Variants in BLNK observed in about 807,000 individuals in gnomAD.
BLNK encodes B-cell linker protein.
A neutral mutation model predicts 73.5 loss-of-function variants in BLNK; 29 were observed. That is an observed-to-expected ratio of 0.39 (90% CI 0.29 to 0.54). BLNK has a LOEUF of 0.54. BLNK is among the 20% of genes least tolerant of loss of function. BLNK has a pLI of 0.61. For synonymous variants in BLNK, 176 were observed against 200.8 expected (o/e 0.88, Z 1.04); for missense variants, 460 against 562.8 (o/e 0.82, Z 1.85).
chr10:96,197,073 T>TA lies in BLNK; in HGVS notation c.1096-11_1096-10insT. 1 of 1,606,858 alleles carries TA rather than the reference T, an allele frequency of 6.2e-7. No homozygotes were observed. The highest frequency in any genetic ancestry group is 8.5e-7 in the Non-Finnish European group (1 of 1,176,826). On this transcript the variant is annotated splice_polypyrimidine_tract_variant and intron_variant, in intron 15 of 16. Coordinates refer to ENST00000224337, the MANE Select transcript of BLNK (RefSeq NM_013314.4). ...TAAGAAATGATCCATCCTGTTTAAT[T>TA]TTTTTTAAAAAACATAATTATGGTT...
At chr10:96,198,865 A>AT (rs1457469859) in intron 15 of BLNK, among the ~76,000 whole-genome samples, 1 of 152,028 alleles carries the variant, frequency 6.6e-6, no homozygotes, top group African/African-American at 2.4e-5. Context: ...CGCCTGGCTA[A>AT]TTTTTTTATT....
chr10:96,201,297 T>C (rs1554896093), intron 13 of BLNK, among the ~76,000 whole-genome samples: 1 of 152,186 alleles, frequency 6.6e-6, no homozygotes, highest in Admixed American at 6.5e-5. Flanking sequence ...ATTTTCCTCA[T>C]GTAGTTCCAC....
intron 1 of BLNK, among the ~76,000 whole-genome samples, chr10:96,252,375 G>A (rs1440551436): frequency 6.6e-6 from 1 of 152,188 alleles, no homozygotes; most frequent in Non-Finnish European, 1.5e-5. Flanking sequence ...AAATTCCCAG[G>A]TGGTGCTGAT....
intron 16 of BLNK, among the ~76,000 whole-genome samples, chr10:96,192,866 A>C (rs186341333): frequency 1.6e-4 from 25 of 152,358 alleles, no homozygotes; most frequent in African/African-American, 6.0e-4. Context: ...AAATGTATTT[A>C]GAATCACTTT....
intron 3 of BLNK, chr10:96,239,022 G>A (rs1162294394): frequency 7.5e-6 from 3 of 397,768 alleles, no homozygotes; most frequent in African/African-American, 6.2e-5. Context: ...TCCAGATGAG[G>A]TTGATGCTAT....
chr10:96,242,590 T>G (rs1842913386), intron 3 of BLNK, 145 bp downstream of exon 3: 4 of 834,630 alleles, frequency 4.8e-6, no homozygotes. Context: ...TCAAAATGCC[T>G]AATAGATTTA....
chr10:96,269,589 C>G (rs928273576), intron 1 of BLNK, among the ~76,000 whole-genome samples: 6 of 152,064 alleles, frequency 3.9e-5, no homozygotes, highest in African/African-American at 1.5e-4. Flanking sequence ...CTCCTCCCTC[C>G]CACCAGATCC....
intron 3 of BLNK, among the ~76,000 whole-genome samples, chr10:96,233,404 G>C (rs1269695973): frequency 3.3e-5 from 5 of 152,090 alleles, no homozygotes; most frequent in Admixed American, 2.6e-4. Flanking sequence ...ATAAAGTTTG[G>C]ATTATGCTGT....
chr10:96,255,798 C>A (rs538446582), intron 1 of BLNK, among the ~76,000 whole-genome samples: 17 of 152,280 alleles, frequency 1.1e-4, no homozygotes, highest in African/African-American at 4.1e-4. Flanking sequence ...GCCCTCCCAT[C>A]CATGCTGTGA....
intron 2 of BLNK, among the ~76,000 whole-genome samples, chr10:96,243,003 G>T (rs1225521909): frequency 1.3e-5 from 2 of 152,212 alleles, no homozygotes; most frequent in East Asian, 3.8e-4. Context: ...GCACAATGTG[G>T]CTATGACTTG....
At chr10:96,237,984 C>G (rs1842757739) in intron 3 of BLNK, among the ~76,000 whole-genome samples, 1 of 152,230 alleles carries the variant, frequency 6.6e-6, no homozygotes, top group South Asian at 2.1e-4. Flanking sequence ...AGAGTCAATA[C>G]TCAACAGATT....
At chr10:96,229,701 C>T (rs954262251) in intron 4 of BLNK, among the ~76,000 whole-genome samples, 5 of 139,464 alleles carry the variant, frequency 3.6e-5, no homozygotes, top group African/African-American at 1.1e-4. Context: ...TGTGTGCACG[C>T]GCGTGCGCAG....
intron 11 of BLNK, chr10:96,205,208 C>A (rs587695585): frequency 6.4e-6 from 1 of 156,988 alleles, no homozygotes; most frequent in African/African-American, 2.4e-5. Flanking sequence ...TGAGCATAAA[C>A]CTGAAGTGTA....
At chr10:96,213,184 C>A (rs1554899056) in intron 8 of BLNK, among the ~76,000 whole-genome samples, 1 of 152,188 alleles carries the variant, frequency 6.6e-6, no homozygotes, top group Non-Finnish European at 1.5e-5. Flanking sequence ...CTCGGCACCT[C>A]CCCTGAGCCA....
At chr10:96,194,612 T>C (rs1190692741) in intron 16 of BLNK, among the ~76,000 whole-genome samples, 9 of 152,196 alleles carry the variant, frequency 5.9e-5, no homozygotes, top group Admixed American at 3.3e-4. Flanking sequence ...AAGGGGTTAA[T>C]ATCCAGAAAC....
At chr10:96,208,164 G>C (rs1178021404) in intron 9 of BLNK, among the ~76,000 whole-genome samples, 4 of 152,144 alleles carry the variant, frequency 2.6e-5, no homozygotes, top group Non-Finnish European at 5.9e-5. Context: ...TCTTGCACCA[G>C]TTGCACTAAT....
At chr10:96,217,060 G>A (rs1591318033) in intron 6 of BLNK, among the ~76,000 whole-genome samples, 1 of 152,080 alleles carries the variant, frequency 6.6e-6, no homozygotes. Flanking sequence ...GAATATGCAC[G>A]GAATCACACA....
At chr10:96,232,710 A>G (rs1459730063) in intron 3 of BLNK, among the ~76,000 whole-genome samples, 4 of 152,222 alleles carry the variant, frequency 2.6e-5, no homozygotes, top group African/African-American at 7.2e-5. Flanking sequence ...AGTGTACTGC[A>G]ATCACTGGGG....
At chr10:96,249,038 G>T (rs896702445) in intron 1 of BLNK, among the ~76,000 whole-genome samples, 82 of 152,268 alleles carry the variant, frequency 5.4e-4, no homozygotes, top group African/African-American at 1.8e-3. Flanking sequence ...AATTTCACGT[G>T]GTTCTTCCCT....
Sources: gnomAD v4.1 joint callset for allele counts (sites outside exome capture counted in the v4.1 genomes callset) on GRCh38, gnomAD v4.1.1 for gene constraint, MANE v1.5 for transcripts, NCBI Gene and HGNC (gene_info 2026-07-23, HGNC 2026-07-21) for gene names.